PDCD10: variants seen among roughly 807,000 people sequenced by gnomAD.
PDCD10 encodes programmed cell death 10.
Under a neutral mutation model 29.2 loss-of-function variants are expected in PDCD10, and 4 were observed. The ratio of observed to expected loss-of-function variants is 0.14; its 90% confidence interval spans 0.07 to 0.31. The LOEUF (loss-of-function observed/expected upper bound fraction) is 0.31, where lower values mean the gene tolerates loss of function less well. Ranked by LOEUF, PDCD10 falls within the 10% of genes least tolerant of loss-of-function variation. The pLI is 1.00. For missense variants in PDCD10, 183 were observed against 257.9 expected, an observed-to-expected ratio of 0.71 and a Z score of 1.99; for synonymous variants, 70 against 82.2, an observed-to-expected ratio of 0.85 and a Z score of 0.80.
At chr3:167,725,784 T>C (rs1248066679) in intron 2 of PDCD10, among the ~76,000 whole-genome samples, 1 of 111,952 alleles carries the variant, frequency 8.9e-6, no homozygotes, top group Non-Finnish European at 1.8e-5. Flanking sequence ...TATATATATA[T>C]ATATATATAT....
chr3:167,684,240 T>C lies in PDCD10; in HGVS notation c.*68A>G. On this transcript the variant is annotated 3_prime_UTR_variant, in exon 9 of 9. Coordinates refer to ENST00000392750, the MANE Select transcript of PDCD10 (RefSeq NM_007217.4). ...GACTGATAATTTATACAGTCAAACTTTAAAATTTACAGATAAAGGCAGTTC... is the reference window on the plus strand; with the variant it reads ...GACTGATAATTTATACAGTCAAACTCTAAAATTTACAGATAAAGGCAGTTC... 1 of 888,844 alleles carries C rather than the reference T, an allele frequency of 1.1e-6. No individual in the cohort carries two copies. The highest frequency in any genetic ancestry group is 1.9e-6 in the Non-Finnish European group (1 of 522,774). The allele number at this position is 888,844 out of a possible 1,614,324, so 55.1% of individuals were successfully genotyped here.
intron 4 of PDCD10, 27 bp from the exon 5 acceptor site, chr3:167,697,153 A>C (rs1433015780): frequency 1.1e-5 from 13 of 1,185,100 alleles, no homozygotes; most frequent in Non-Finnish European, 1.5e-5. Context: ...ACTAGTTTTG[A>C]AATACAGATA....
At chr3:167,725,764 TATATATATATATA>T (rs1724070998) in intron 2 of PDCD10, among the ~76,000 whole-genome samples, 1 of 2,392 alleles carries the variant, frequency 4.2e-4, no homozygotes, top group Non-Finnish European at 1.0e-3. Context: ...TTGTATCGTT[TATATATATATATA>T]TATATATATA....
chr3:167,695,816 G>A, intron 5 of PDCD10, 94 bp from the exon 6 acceptor site: 1 of 1,306,246 alleles, frequency 7.7e-7, no homozygotes, highest in Non-Finnish European at 1.1e-6. Flanking sequence ...AGGCAGGTGA[G>A]GGAGGTGAAA....
chr3:167,696,001 A>C (rs1577330502), intron 5 of PDCD10, among the ~76,000 whole-genome samples: 1 of 151,860 alleles, frequency 6.6e-6, no homozygotes, highest in African/African-American at 2.4e-5. Context: ...AAACACACAA[A>C]AAAAAAACAG....
intron 6 of PDCD10, among the ~76,000 whole-genome samples, chr3:167,688,923 T>C (rs933577482): frequency 6.6e-6 from 1 of 152,222 alleles, no homozygotes; most frequent in African/African-American, 2.4e-5. Flanking sequence ...GTAAATAAGC[T>C]TGTAGAAATT....
At chr3:167,716,851 T>C (rs1023953660) in intron 3 of PDCD10, among the ~76,000 whole-genome samples, 2 of 151,948 alleles carry the variant, frequency 1.3e-5, no homozygotes, top group Admixed American at 6.6e-5. Context: ...AAACATAATA[T>C]ATATTGCTTG....
chr3:167,687,844 G>T (rs1407834107), intron 6 of PDCD10, 151 bp from the exon 7 acceptor site: 3 of 637,968 alleles, frequency 4.7e-6, no homozygotes, highest in South Asian at 1.8e-5. Context: ...TTCAAGAACA[G>T]CCAGCCTTTT....
rs1177132981 is a variant in PDCD10, at chr3:167,696,989, A to G, written c.268+20T>C. On this transcript the variant is annotated intron_variant, in intron 5 of 8. Coordinates refer to ENST00000392750, the MANE Select transcript of PDCD10 (RefSeq NM_007217.4). ...TATTTAACAATTGTATAACTTAAACAAGGTTCTTCTGTCCGTTACCTTCTA... is the reference window on the plus strand; with the variant it reads ...TATTTAACAATTGTATAACTTAAACGAGGTTCTTCTGTCCGTTACCTTCTA... 8.4e-7 allele frequency: 1 copy of G among 1,189,462 alleles called. No individual in the cohort carries two copies. The highest frequency in any genetic ancestry group is 1.3e-6 in the Non-Finnish European group (1 of 792,572). 73.7% of individuals were successfully genotyped at this position (1,189,462 alleles called of 1,614,324 possible).
At chr3:167,716,400 TAA>T (rs1317205316) in intron 3 of PDCD10, among the ~76,000 whole-genome samples, 16 of 151,916 alleles carry the variant, frequency 1.1e-4, no homozygotes, top group South Asian at 8.3e-4. Context: ...TTAAAATAAC[TAA>T]AAGAGTATAA....
At chr3:167,731,652 G>GT (rs1210489088) in intron 2 of PDCD10, among the ~76,000 whole-genome samples, 3 of 152,162 alleles carry the variant, frequency 2.0e-5, no homozygotes, top group African/African-American at 4.8e-5. Context: ...CAGGTACTGC[G>GT]TAAGTAGTGG....
intron 2 of PDCD10, chr3:167,730,785 T>A (rs1724725840): frequency 6.6e-6 from 1 of 152,184 alleles, no homozygotes; most frequent in South Asian, 2.1e-4. Flanking sequence ...TTTGTATGTT[T>A]TAAAAATAAT....
At chr3:167,687,123 C>G (rs953111495) in intron 8 of PDCD10, 111 bp downstream of exon 8, 1 of 618,266 alleles carries the variant, frequency 1.6e-6, no homozygotes, top group East Asian at 2.8e-5. Flanking sequence ...TTATCAGTTG[C>G]CTGGAGTACT....
chr3:167,687,409 G>T (rs1559944784), intron 7 of PDCD10, 93 bp from the exon 8 acceptor site: 1 of 799,642 alleles, frequency 1.3e-6, no homozygotes, highest in East Asian at 2.6e-5. Context: ...CACAGGATAT[G>T]GGATGCACTT....
chr3:167,692,456 T>C (rs1720351946), intron 6 of PDCD10, among the ~76,000 whole-genome samples: 1 of 152,214 alleles, frequency 6.6e-6, no homozygotes, highest in Non-Finnish European at 1.5e-5. Context: ...CATGTCACGG[T>C]GCTCAAAAAG....
chr3:167,726,114 G>GTTTTTTTTTTTTTTTTTTTTTTTTTTTTT (rs751342370), intron 2 of PDCD10, among the ~76,000 whole-genome samples: 2 of 85,766 alleles, frequency 2.3e-5, no homozygotes, highest in Admixed American at 1.5e-4. Context: ...GTAGAGTACT[G>GTTTTTTTTTTTTTTTTTTTTTTTTTTTTT]TTTTTTTTTT....
At chr3:167,731,418 TTTTCCACAA>T (rs1433797000) in intron 2 of PDCD10, among the ~76,000 whole-genome samples, 1 of 152,200 alleles carries the variant, frequency 6.6e-6, no homozygotes, top group Non-Finnish European at 1.5e-5. Context: ...GAACAAACAT[TTTTCCACAA>T]TTTATATTAA....
chr3:167,706,766 G>A (rs1045433481), intron 3 of PDCD10, among the ~76,000 whole-genome samples: 2 of 152,160 alleles, frequency 1.3e-5, no homozygotes, highest in Non-Finnish European at 2.9e-5. Context: ...TATTCATGGT[G>A]TCCAGGACAG....
At chr3:167,689,276 A>C (rs984977965) in intron 6 of PDCD10, among the ~76,000 whole-genome samples, 9 of 152,320 alleles carry the variant, frequency 5.9e-5, no homozygotes, top group Non-Finnish European at 1.0e-4. Flanking sequence ...TCATAGGACT[A>C]TTCTGTGAGA....
Sources: allele counts gnomAD v4.1 joint callset (sites outside exome capture counted in the v4.1 genomes callset), GRCh38; gene constraint gnomAD v4.1.1; transcripts MANE v1.5; gene names NCBI Gene and HGNC (gene_info 2026-07-23, HGNC 2026-07-21).